Variants in ONECUT1 observed in about 807,000 individuals in gnomAD.
ONECUT1 encodes one cut homeobox 1.
In ONECUT1, 12 loss-of-function variants were observed where a neutral mutation model predicts 25.6. That is an observed-to-expected ratio of 0.47 (90% CI 0.30 to 0.76). The LOEUF (loss-of-function observed/expected upper bound fraction) is 0.76. ONECUT1 is among the 30% of genes least tolerant of loss of function. The pLI is 0.07. For missense variants in ONECUT1, 620 were observed against 651.2 expected, an observed-to-expected ratio of 0.95 and a Z score of 0.52; for synonymous variants, 285 against 270.2, an observed-to-expected ratio of 1.05 and a Z score of -0.54.
chr15:52,763,698 C>T (rs887923781), intron 1 of ONECUT1, among the ~76,000 whole-genome samples: 24 of 152,146 alleles, frequency 1.6e-4, no homozygotes, highest in African/African-American at 5.6e-4. Context: ...ACTCTTTATT[C>T]AGGGAATTTC....
chr15:52,789,158 G>T lies in ONECUT1; in HGVS notation c.727C>A (p.Pro243Thr). Residue 243 changes from proline (P) to threonine (T), a missense_variant, in exon 1 of 2, where the codon CCC becomes ACC. By Grantham distance (38) the Pro-to-Thr change is conservative. Around this residue, in one of 4 missense-constraint regions of ONECUT1, gnomAD observed 440 missense variants for 404.9 expected, o/e 1.09. Coordinates refer to ENST00000305901, the MANE Select transcript of ONECUT1 (RefSeq NM_004498.4). The surrounding 1 kb of genome is among the most constrained non-coding windows in gnomAD (Gnocchi z 4.1). ...HLTPTSAGMV[P>T]INGLPPHHPH... ...TGGTGCGGAGGAAGGCCGTTGATGG[G>T]CACCATGCCGGCCGAGGTGGGCGTG... The T allele has an allele frequency of 6.3e-7, 1 of 1,593,086 alleles. No homozygotes were observed. Among genetic ancestry groups the T allele is most frequent in the Non-Finnish European group, 8.5e-7 (1 of 1,174,264 alleles).
chr15:52,781,864 A>T (rs977733504), intron 1 of ONECUT1, among the ~76,000 whole-genome samples: 1 of 152,222 alleles, frequency 6.6e-6, no homozygotes. Flanking sequence ...TGAGTCTTCA[A>T]TGAGAACATC....
chr15:52,781,861 T>G (rs528081548), intron 1 of ONECUT1, among the ~76,000 whole-genome samples: 8 of 152,308 alleles, frequency 5.3e-5, no homozygotes, highest in African/African-American at 1.9e-4. Context: ...TGTTGAGTCT[T>G]CAATGAGAAC....
intron 1 of ONECUT1, among the ~76,000 whole-genome samples, chr15:52,772,682 G>T (rs2083775917): frequency 6.6e-6 from 1 of 152,142 alleles, no homozygotes; most frequent in South Asian, 2.1e-4. Flanking sequence ...GAAGAACAAG[G>T]TTTTTGTGCC....
intron 1 of ONECUT1, among the ~76,000 whole-genome samples, chr15:52,773,904 A>G (rs1446243106): frequency 6.6e-6 from 1 of 152,210 alleles, no homozygotes; most frequent in African/African-American, 2.4e-5. Context: ...TCTTGCAAAT[A>G]TCCTCTCTCT....
At chr15:52,761,085 G>A (rs1372721829) in intron 1 of ONECUT1, among the ~76,000 whole-genome samples, 3 of 152,008 alleles carry the variant, frequency 2.0e-5, no homozygotes, top group Non-Finnish European at 4.4e-5. Flanking sequence ...GGTATGAAAG[G>A]TGGTGGTCTA....
At chr15:52,771,693 G>A (rs1190195033) in intron 1 of ONECUT1, among the ~76,000 whole-genome samples, 1 of 151,634 alleles carries the variant, frequency 6.6e-6, no homozygotes, top group Admixed American at 6.6e-5. Context: ...TGAGGTACAG[G>A]TGGTGTTTGG....
intron 1 of ONECUT1, among the ~76,000 whole-genome samples, chr15:52,771,436 A>AGTGT (rs60500029): frequency 0.024 from 3,548 of 144,930 alleles, 61 homozygotes; most frequent in East Asian, 0.07. Flanking sequence ...ATAAAAAGCA[A>AGTGT]GTGTGTGTGT....
chr15:52,778,981 C>A (rs915489008), intron 1 of ONECUT1, among the ~76,000 whole-genome samples: 7 of 147,594 alleles, frequency 4.7e-5, no homozygotes, highest in African/African-American at 1.9e-4. Flanking sequence ...TATTCTTAAT[C>A]CAGAGAGGGT....
chr15:52,762,527 C>T (rs74012468), intron 1 of ONECUT1, among the ~76,000 whole-genome samples: 1,868 of 152,258 alleles, frequency 0.012, 55 homozygotes, highest in African/African-American at 0.044. Context: ...GCACTGTAGA[C>T]GTTACAATAC....
intron 1 of ONECUT1, among the ~76,000 whole-genome samples, chr15:52,785,260 C>G (rs2083866659): frequency 6.6e-6 from 1 of 152,262 alleles, no homozygotes; most frequent in Non-Finnish European, 1.5e-5. Flanking sequence ...GGCCAGTTAT[C>G]AATCAACCAG....
At chr15:52,774,626 A>G (rs8042428) in intron 1 of ONECUT1, among the ~76,000 whole-genome samples, 147,727 of 152,318 alleles carry the variant, frequency 0.97, 71,671 homozygotes, top group East Asian at 1. Flanking sequence ...AAAAGCATTG[A>G]AATTAAAACA....
At chr15:52,776,315 G>A (rs1047702153) in intron 1 of ONECUT1, among the ~76,000 whole-genome samples, 1 of 152,114 alleles carries the variant, frequency 6.6e-6, no homozygotes, top group African/African-American at 2.4e-5. Flanking sequence ...GCAGCTAAAG[G>A]TATATCCAAG....
intron 1 of ONECUT1, among the ~76,000 whole-genome samples, chr15:52,772,968 A>G (rs1005272235): frequency 2.0e-5 from 3 of 152,206 alleles, no homozygotes; most frequent in Non-Finnish European, 2.9e-5. Flanking sequence ...CATGCATTAG[A>G]ATCACTTCCA....
At chr15:52,767,441 C>T (rs905876543) in intron 1 of ONECUT1, among the ~76,000 whole-genome samples, 34 of 152,242 alleles carry the variant, frequency 2.2e-4, no homozygotes, top group African/African-American at 7.5e-4. Context: ...GAATGCATTT[C>T]GTACCCAATG....
chr15:52,772,469 G>C (rs2083774427), intron 1 of ONECUT1, among the ~76,000 whole-genome samples: 1 of 152,080 alleles, frequency 6.6e-6, no homozygotes, highest in Admixed American at 6.6e-5. Context: ...TTTGTTCTGT[G>C]ATTATGATGA....
At chr15:52,770,723 T>A (rs1179029438) in intron 1 of ONECUT1, among the ~76,000 whole-genome samples, 2 of 152,218 alleles carry the variant, frequency 1.3e-5, no homozygotes, top group Non-Finnish European at 2.9e-5. Context: ...AACTTTAATA[T>A]GGCTTAAAAA....
At chr15:52,777,465 G>C (rs2083808171) in intron 1 of ONECUT1, among the ~76,000 whole-genome samples, 1 of 152,100 alleles carries the variant, frequency 6.6e-6, no homozygotes, top group African/African-American at 2.4e-5. Context: ...TTTTGTAATT[G>C]ATGGCAATGT....
chr15:52,757,748 G>T lies in ONECUT1; in HGVS notation c.1205C>A (p.Ala402Glu), dbSNP rs754209416. 6.2e-7 allele frequency: 1 copy of T among 1,614,160 alleles called. No individual in the cohort carries two copies. The highest frequency in any genetic ancestry group is 1.7e-5 in the Admixed American group (1 of 60,020). ...FTDVQRRTLH[A>E]IFKENKRPSK... Reference sequence around the variant, plus strand: ...TGGACGCTTATTTTCCTTGAATATTGCATGTAGAGTTCGACGCTGGACATC... The same window carrying T: ...TGGACGCTTATTTTCCTTGAATATTTCATGTAGAGTTCGACGCTGGACATC... Residue 402 changes from alanine to glutamate, a missense_variant, in exon 2 of 2, where the codon GCA becomes GAA. Physicochemically the swap from Ala to Glu is moderately radical, Grantham distance 107 (BLOSUM62 -1). Around this residue, in one of 4 missense-constraint regions of ONECUT1, gnomAD observed 146 missense variants for 201.8 expected, o/e 0.72. Coordinates refer to ENST00000305901, the MANE Select transcript of ONECUT1 (RefSeq NM_004498.4).
Sources: allele counts gnomAD v4.1 joint callset (sites outside exome capture counted in the v4.1 genomes callset), GRCh38; gene constraint gnomAD v4.1.1; regional missense constraint gnomAD v4.1.1; non-coding constraint Gnocchi (gnomAD v3.1); transcripts MANE v1.5; gene names NCBI Gene and HGNC (gene_info 2026-07-23, HGNC 2026-07-21).